Variants in DNAJC15 observed in about 807,000 individuals in gnomAD.
DNAJC15 encodes dnaJ homolog subfamily C member 15.
Under a neutral mutation model 22.4 loss-of-function variants are expected in DNAJC15, and 27 were observed. The observed-to-expected ratio is 1.20, with a 90% CI of 0.89 to 1.66. The LOEUF (loss-of-function observed/expected upper bound fraction) is 1.66, where lower values mean the gene tolerates loss of function less well. Among genes scored for constraint, DNAJC15 ranks in the 40% most tolerant of loss-of-function variants. The probability of loss-of-function intolerance (pLI) is 0.00; values close to 1 mark genes in which losing one functional copy is unlikely to be tolerated. For synonymous variants in DNAJC15, 79 were observed against 63.2 expected, an observed-to-expected ratio of 1.25 and a Z score of -1.19; for missense variants, 208 against 187.1, an observed-to-expected ratio of 1.11 and a Z score of -0.65.
At position 43,078,646 on chromosome 13, in the gene DNAJC15, A is replaced by G. The variant is rs761803122; in HGVS notation, c.269A>G (p.Gln90Arg). 2.5e-6 allele frequency: 4 copies of G among 1,613,718 alleles called. No homozygotes were observed. The Admixed American group carries it at 6.7e-5, about 27-fold the overall frequency. ...TCCTACTATAAAGGAGGATTTGAAC[A>G]GAAAATGAGTAGGCGAGAAGCTGGT... Reference protein sequence around the residue: ...FSSYYKGGFEQKMSRREAGLI... With the variant: ...FSSYYKGGFERKMSRREAGLI... The change falls in exon 4 of 6, where the codon CAG (glutamine) becomes CGG (arginine). Residue 90 changes from glutamine to arginine, a missense_variant. Gln to Arg is a conservative substitution (Grantham distance 43). Coordinates refer to ENST00000379221, the MANE Select transcript of DNAJC15 (RefSeq NM_013238.3).
At chr13:43,098,485 C>G (rs1407043103) in intron 5 of DNAJC15, among the ~76,000 whole-genome samples, 2 of 152,122 alleles carry the variant, frequency 1.3e-5, no homozygotes, top group Non-Finnish European at 2.9e-5. Context: ...TTCTGTGATT[C>G]TCTAATGATC....
intron 4 of DNAJC15, among the ~76,000 whole-genome samples, chr13:43,084,363 G>C (rs564236052): frequency 1.3e-5 from 2 of 152,074 alleles, no homozygotes; most frequent in Middle Eastern, 3.2e-3. Context: ...AAACCTGGGG[G>C]TAGGTTTTAT....
At chr13:43,065,602 G>A in intron 1 of DNAJC15, 84 bp from the exon 2 acceptor site, 4 of 1,124,242 alleles carry the variant, frequency 3.6e-6, no homozygotes, top group Non-Finnish European at 5.4e-6. Context: ...GTATTGTAAT[G>A]TAATTATTCT....
intron 1 of DNAJC15, among the ~76,000 whole-genome samples, chr13:43,026,088 T>G (rs2040379528): frequency 6.6e-6 from 1 of 152,210 alleles, no homozygotes; most frequent in African/African-American, 2.4e-5. Context: ...TATTGGCTTT[T>G]CAAGTAGCAG....
intron 1 of DNAJC15, among the ~76,000 whole-genome samples, chr13:43,031,131 T>G (rs1169121317): frequency 6.6e-6 from 1 of 152,198 alleles, no homozygotes; most frequent in Non-Finnish European, 1.5e-5. Flanking sequence ...GAGTGATGAT[T>G]ATAGCAAAAT....
rs1566208303 is a variant in DNAJC15, at chr13:43,065,684, A to G, written c.109-2A>G. 6.2e-7 allele frequency: 1 copy of G among 1,612,216 alleles called. No individual in the cohort carries two copies. ...AAGTAATATTCATTTTTTCTTCCAT[A>G]GGTAAGAAGTTTGATAGCTGTAGGA... On this transcript the variant is annotated splice_acceptor_variant, in intron 1 of 5. Coordinates refer to ENST00000379221, the MANE Select transcript of DNAJC15 (RefSeq NM_013238.3). LOFTEE classifies it high-confidence loss of function.
chr13:43,045,486 T>C (rs1370805577), intron 1 of DNAJC15, among the ~76,000 whole-genome samples: 1 of 152,234 alleles, frequency 6.6e-6, no homozygotes, highest in Non-Finnish European at 1.5e-5. Flanking sequence ...AGGGTTGTGA[T>C]TGATTGAGCA....
At chr13:43,058,128 C>T (rs2040540438) in intron 1 of DNAJC15, among the ~76,000 whole-genome samples, 1 of 152,150 alleles carries the variant, frequency 6.6e-6, no homozygotes, top group Admixed American at 6.5e-5. Context: ...CAGGATGCTA[C>T]AGGCAGTGGA....
At chr13:43,103,361 T>G (rs2040780627) in intron 5 of DNAJC15, among the ~76,000 whole-genome samples, 1 of 152,232 alleles carries the variant, frequency 6.6e-6, no homozygotes, top group South Asian at 2.1e-4. Flanking sequence ...GAAAAAAGTA[T>G]GTATATAAGA....
chr13:43,043,449 C>T (rs911335405), intron 1 of DNAJC15, among the ~76,000 whole-genome samples: 10 of 152,206 alleles, frequency 6.6e-5, no homozygotes, highest in Admixed American at 3.9e-4. Flanking sequence ...AGCCATGACT[C>T]ACACTGTTAT....
intron 3 of DNAJC15, 69 bp downstream of exon 3, chr13:43,069,072 C>A: frequency 7.0e-7 from 1 of 1,419,226 alleles, no homozygotes; most frequent in Non-Finnish European, 9.7e-7. Flanking sequence ...TTTCAATTAA[C>A]TTAGAAAATG....
chr13:43,104,694 T>TTTTC (rs1330004555), intron 5 of DNAJC15, among the ~76,000 whole-genome samples: 4 of 76,028 alleles, frequency 5.3e-5, no homozygotes, highest in South Asian at 6.3e-4. Context: ...TTTTCTTTTC[T>TTTTC]TTTTTTTTTT....
intron 1 of DNAJC15, 104 bp downstream of exon 1, chr13:43,023,838 G>A (rs1265971050): frequency 4.5e-5 from 50 of 1,101,418 alleles, no homozygotes; most frequent in Non-Finnish European, 1.3e-6. Context: ...CCCCGCATTC[G>A]CTCACGGTCT....
intron 3 of DNAJC15, among the ~76,000 whole-genome samples, chr13:43,076,335 A>C (rs1326942753): frequency 6.6e-6 from 1 of 152,216 alleles, no homozygotes; most frequent in Non-Finnish European, 1.5e-5. Context: ...TTTATTACCA[A>C]GTAGAAATTT....
chr13:43,044,353 C>T, intron 1 of DNAJC15, among the ~76,000 whole-genome samples: 1 of 152,188 alleles, frequency 6.6e-6, no homozygotes, highest in South Asian at 2.1e-4. Flanking sequence ...TCTCCATTTA[C>T]CCTCTAGGTG....
chr13:43,097,860 C>T (rs542681685), intron 5 of DNAJC15, among the ~76,000 whole-genome samples: 15 of 152,238 alleles, frequency 9.9e-5, no homozygotes, highest in African/African-American at 3.6e-4. Flanking sequence ...TCACTTGAAC[C>T]CGGGAGGCAG....
At chr13:43,091,307 C>T (rs1020623529) in intron 5 of DNAJC15, among the ~76,000 whole-genome samples, 12 of 152,140 alleles carry the variant, frequency 7.9e-5, no homozygotes, top group African/African-American at 1.7e-4. Flanking sequence ...AGGCTGGTCA[C>T]GAACTCCTGA....
At chr13:43,065,061 A>T (rs2040577200) in intron 1 of DNAJC15, among the ~76,000 whole-genome samples, 1 of 152,094 alleles carries the variant, frequency 6.6e-6, no homozygotes. Context: ...TAGTTTCCTG[A>T]GATGTTTAAG....
rs935047050 is a variant in DNAJC15 at position 43,111,913 on chromosome 13, A to G, written c.*4665A>G. The G allele has an allele frequency of 1.2e-4, 19 of 152,208 alleles. No homozygotes were observed. The highest frequency in any genetic ancestry group is 4.6e-4 in the African/African-American group (19 of 41,456). 9.4% of individuals were successfully genotyped at this position (152,208 alleles called of 1,614,324 possible). A position where few individuals can be genotyped will look rare whatever the true frequency, so the allele number is the denominator to read the frequency against. ...TCCATGAATTATGAGTCAAAATTTT[A>G]TTTATGGTGGCATTACACACATTAA... On this transcript the variant is annotated 3_prime_UTR_variant, in exon 6 of 6. Coordinates refer to ENST00000379221, the MANE Select transcript of DNAJC15 (RefSeq NM_013238.3).
Sources: gnomAD v4.1 joint callset for allele counts (sites outside exome capture counted in the v4.1 genomes callset) on GRCh38, gnomAD v4.1.1 for gene constraint, MANE v1.5 for transcripts, NCBI Gene and HGNC (gene_info 2026-07-23, HGNC 2026-07-21) for gene names.